Variants in E2F2 observed in about 807,000 individuals in gnomAD.
The protein encoded by E2F2 is E2F transcription factor 2, also known as transcription factor E2F2.
E2F2 carries 22 observed loss-of-function variants against 42.2 expected under a neutral mutation model. The ratio of observed to expected loss-of-function variants is 0.52; its 90% CI spans 0.37 to 0.74. The LOEUF is 0.74. Ranked by LOEUF, E2F2 falls within the 30% of genes least tolerant of loss-of-function variation. The pLI, the probability that E2F2 is intolerant of heterozygous loss-of-function variation, is 0.00. For synonymous variants in E2F2, 248 were observed against 251.6 expected, an observed-to-expected ratio of 0.99 and a Z score of 0.13; for missense variants, 481 against 557.8, an observed-to-expected ratio of 0.86 and a Z score of 1.39.
At chr1:23,520,808 A>G (rs567772866) in intron 4 of E2F2, 105 bp downstream of exon 4, 23 of 1,238,888 alleles carry the variant, frequency 1.9e-5, no homozygotes, top group Non-Finnish European at 2.4e-5. Context: ...GAAGGAAGAA[A>G]CAGATGCCAG....
chr1:23,525,192 C>A (rs1051574352), intron 1 of E2F2, among the ~76,000 whole-genome samples: 2 of 151,060 alleles, frequency 1.3e-5, no homozygotes, highest in African/African-American at 2.4e-5. Flanking sequence ...GAGGCCACCC[C>A]CCCCCTCCAG....
chr1:23,515,479 G>A (rs1234882222), intron 6 of E2F2, among the ~76,000 whole-genome samples: 1 of 152,092 alleles, frequency 6.6e-6, no homozygotes, highest in Non-Finnish European at 1.5e-5. Flanking sequence ...CAGCTCTGTT[G>A]CCTCCCAGCT....
At position 23,516,369 on chromosome 1, in the gene E2F2, G is replaced by A. The variant is rs142329750; in HGVS notation, c.1011C>T (p.Thr337=). ...SPDSAQPSSS[T]DPSIMEPTAS... Reference sequence around the variant, plus strand: ...CTGTGGGCTCCATGATGCTAGGGTCGGTGCTGCTGCTGGGCTGGGCAGAGT... The same window carrying A: ...CTGTGGGCTCCATGATGCTAGGGTCAGTGCTGCTGCTGGGCTGGGCAGAGT... Residue 337 remains threonine (T), a synonymous_variant, in exon 6 of 7, where the codon ACC becomes ACT. Transcript: ENST00000361729. 111 of 1,578,586 alleles carry A rather than the reference G, an allele frequency of 7.0e-5. No homozygotes were observed. The highest frequency in any genetic ancestry group is 2.6e-4 in the African/African-American group (19 of 72,562).
rs540518260 is a variant in E2F2 at position 23,508,194 on chromosome 1, G to C, written c.*1686C>G. On this transcript the variant is annotated 3_prime_UTR_variant, in exon 7 of 7. Transcript: ENST00000361729. ...TGGGGGCCCAGGAATTTGAGCAAAT[G>C]ATGAGGCACAATTGTCCCCAGCTGG... is the stretch of plus-strand genomic sequence containing the variant. The C allele has an allele frequency of 5.9e-5, 9 of 152,414 alleles. No homozygotes were observed. In the East Asian group the frequency reaches 7.7e-4, roughly 13 times the overall value. The allele number at this position is 152,414 out of a possible 1,614,324, so 9.4% of individuals were successfully genotyped here.
At chr1:23,512,368 C>G (rs959464130) in intron 6 of E2F2, among the ~76,000 whole-genome samples, 4 of 152,018 alleles carry the variant, frequency 2.6e-5, no homozygotes, top group Non-Finnish European at 5.9e-5. Flanking sequence ...CTTGCACACT[C>G]AAATGGCCCT....
intron 6 of E2F2, among the ~76,000 whole-genome samples, chr1:23,515,002 AAT>A (rs1481016578): frequency 2.0e-5 from 3 of 152,188 alleles, no homozygotes; most frequent in Non-Finnish European, 4.4e-5. Context: ...ACCTGCAGGC[AAT>A]AGTTTATTAA....
At chr1:23,520,764 T>C in intron 4 of E2F2, 149 bp downstream of exon 4, 1 of 691,626 alleles carries the variant, frequency 1.4e-6, no homozygotes, top group Non-Finnish European at 2.1e-6. Context: ...AATAAATAAT[T>C]TTAAAAATAG....
intron 2 of E2F2, among the ~76,000 whole-genome samples, chr1:23,523,308 C>T (rs1362248990): frequency 6.6e-6 from 1 of 152,142 alleles, no homozygotes; most frequent in Non-Finnish European, 1.5e-5. Context: ...AGGCATGCGC[C>T]ACCACACCCG....
rs1213689260 is a variant in E2F2 at position 23,507,985 on chromosome 1, A to C, written c.*1895T>G. On this transcript the variant is annotated 3_prime_UTR_variant, in exon 7 of 7. Transcript: ENST00000361729. Reference sequence around the variant, plus strand: ...GTGGAGACCTCAGAGCAGCCCACTCACCACAAACGAGATCCTACACAGGGT... The same window carrying C: ...GTGGAGACCTCAGAGCAGCCCACTCCCCACAAACGAGATCCTACACAGGGT... 2 of 151,204 alleles carry C rather than the reference A, an allele frequency of 1.3e-5. No individual in the cohort carries two copies. The highest frequency in any genetic ancestry group is 2.9e-5 in the Non-Finnish European group (2 of 67,858). 9.4% of individuals were successfully genotyped at this position (151,204 alleles called of 1,614,324 possible). A position where few individuals can be genotyped will look rare whatever the true frequency, so the allele number is the denominator to read the frequency against.
rs3221150 is a variant in E2F2, at chr1:23,526,851, GCACA to G, written c.253-2367_253-2364del. 2.2e-3 allele frequency among the ~76,000 whole-genome samples: 326 copies of G among 148,796 alleles called. 4 individuals are homozygous for G. In the East Asian group the frequency reaches 0.023, roughly 11 times the overall value. On this transcript the variant is annotated intron_variant, in intron 1 of 6. Coordinates refer to ENST00000361729, the MANE Select transcript of E2F2 (RefSeq NM_004091.4). ...CCTGCCCCCATCACTGCATGTACTT[GCACA>G]CACACACACACACACACACACACAC...
At chr1:23,528,967 C>G (rs1018203810) in intron 1 of E2F2, among the ~76,000 whole-genome samples, 1 of 152,144 alleles carries the variant, frequency 6.6e-6, no homozygotes, top group Non-Finnish European at 1.5e-5. Flanking sequence ...AATCCCAGCA[C>G]TTTGGGAGGC....
intron 2 of E2F2, among the ~76,000 whole-genome samples, chr1:23,523,184 C>T (rs1367436364): frequency 6.7e-6 from 1 of 148,516 alleles, no homozygotes; most frequent in Non-Finnish European, 1.5e-5. Context: ...GATGGAGTCT[C>T]ACTCTCTCTC....
chr1:23,519,276 C>A, intron 4 of E2F2, 146 bp from the exon 5 acceptor site: 2 of 513,222 alleles, frequency 3.9e-6, no homozygotes, highest in Non-Finnish European at 7.1e-6. Flanking sequence ...CAATCTGTAA[C>A]CTGTTAATCT....
chr1:23,520,243 C>CAAAAAA lies in E2F2; in HGVS notation c.737+664_737+669dup, dbSNP rs66460864. ...CCTGGGCAAGAGTGAGACTCTGTCT[C>CAAAAAA]AAAAAAAAAAAAAAAAAAAAAAAAA... On this transcript the variant is annotated intron_variant, in intron 4 of 6. Coordinates refer to ENST00000361729, the MANE Select transcript of E2F2 (RefSeq NM_004091.4). 4.7e-4 allele frequency among the ~76,000 whole-genome samples: 37 copies of CAAAAAA among 78,868 alleles called. 2 individuals carry two copies. Among genetic ancestry groups the CAAAAAA allele is most frequent in the African/African-American group, 2.0e-3 (24 of 12,130 alleles). The allele number at this position is 78,868 out of a possible 152,430, so 51.7% of individuals were successfully genotyped here.
rs1643215446 is a variant in E2F2, at chr1:23,524,484, T to C, written c.257A>G (p.Lys86Arg). 6.2e-6 allele frequency: 10 copies of C among 1,613,590 alleles called. No individual in the cohort carries two copies. Among genetic ancestry groups the C allele is most frequent in the Non-Finnish European group, 8.5e-6 (10 of 1,179,784 alleles). Residue 86 changes from lysine to arginine, a missense_variant, in exon 2 of 7, where the codon AAA becomes AGA. Physicochemically the swap from Lys to Arg is conservative, Grantham distance 26. Transcript: ENST00000361729. ...AATCCCCTCCAGATCCAGCTTCCTTTTGGCCTTGGAGAAAAGGGGGAGAGA... is the reference window on the plus strand; with the variant it reads ...AATCCCCTCCAGATCCAGCTTCCTTCTGGCCTTGGAGAAAAGGGGGAGAGA... ...RCLPAGRLPA[K>R]RKLDLEGIGR... is the part of the protein sequence containing the mutation.
chr1:23,517,908 G>A (rs1172381965), intron 5 of E2F2, among the ~76,000 whole-genome samples: 2 of 152,162 alleles, frequency 1.3e-5, no homozygotes, highest in African/African-American at 4.8e-5. Flanking sequence ...GGTGGTTCAC[G>A]CCTATAATCC....
intron 3 of E2F2, chr1:23,521,530 GAC>G: frequency 1.0e-6 from 1 of 985,028 alleles, no homozygotes; most frequent in Non-Finnish European, 1.2e-6. Flanking sequence ...TGGGATCTCT[GAC>G]TCAAGAGGAA....
At chr1:23,514,043 G>C (rs972841979) in intron 6 of E2F2, among the ~76,000 whole-genome samples, 90 of 151,688 alleles carry the variant, frequency 5.9e-4, no homozygotes, top group African/African-American at 2.1e-3. Context: ...AGAATTGCTT[G>C]AACTTGGGAG....
chr1:23,517,913 TA>T (rs1643057156), intron 5 of E2F2, among the ~76,000 whole-genome samples: 1 of 152,194 alleles, frequency 6.6e-6, no homozygotes, highest in Non-Finnish European at 1.5e-5. Context: ...TTCACGCCTA[TA>T]ATCCCAGCAC....
Sources: gnomAD v4.1 joint callset for allele counts (sites outside exome capture counted in the v4.1 genomes callset) on GRCh38, gnomAD v4.1.1 for gene constraint, MANE v1.5 for transcripts, NCBI Gene and HGNC (gene_info 2026-07-23, HGNC 2026-07-21) for gene names.